Variants in PLEKHG5 observed in about 807,000 individuals in gnomAD.
The protein encoded by PLEKHG5 is pleckstrin homology domain-containing family G member 5.
Under a neutral mutation model 103.8 loss-of-function variants are expected in PLEKHG5, and 52 were observed. That is an observed-to-expected ratio of 0.50 (90% CI 0.40 to 0.63). The LOEUF is 0.63. Among genes scored for constraint, PLEKHG5 ranks in the 30% least tolerant of loss-of-function variants. The pLI is 0.00. For missense variants in PLEKHG5, 1,205 were observed against 1,347.6 expected (o/e 0.89, Z 1.66); for synonymous variants, 592 against 575.5 (o/e 1.03, Z -0.41).
chr1:6,519,329 C>T (rs961138126), intron 1 of PLEKHG5: 48 of 839,758 alleles, frequency 5.7e-5, no homozygotes, highest in African/African-American at 4.0e-4. Flanking sequence ...TTAAACCGTC[C>T]GGACTAATTC....
intron 1 of PLEKHG5, among the ~76,000 whole-genome samples, chr1:6,478,045 TA>T (rs1644810103): frequency 6.6e-6 from 1 of 151,976 alleles, no homozygotes; most frequent in Non-Finnish European, 1.5e-5. Flanking sequence ...CATGCCCAGC[TA>T]ATTTTTTTTT....
rs914134952 is a variant in PLEKHG5, at chr1:6,479,785, T to C, written c.-87-2127A>G. Among the ~76,000 whole-genome samples the C allele has an allele frequency of 7.2e-5, 11 of 152,232 alleles. No homozygotes were observed. The East Asian group carries it at 2.1e-3, about 29-fold the overall frequency. Reference sequence around the variant, plus strand: ...TGCCACTACGCCCAACTAACTTTTTTATTTTTAGTAGTGACAGATCTCACT... The same window carrying C: ...TGCCACTACGCCCAACTAACTTTTTCATTTTTAGTAGTGACAGATCTCACT... On this transcript the variant is annotated intron_variant, in intron 1 of 20. Transcript: ENST00000377728.
Position 6,490,511 on chromosome 1 carries a change from A to G in PLEKHG5, c.-88+1126T>C, listed in dbSNP as rs1645130319. ...CTAAGGCTCGGGCCGAGACTGCCAA[A>G]GCCTCATGGGGCGCGCGGGGAGAGG... is the stretch of plus-strand genomic sequence containing the variant. On this transcript the variant is annotated intron_variant, in intron 1 of 20. Transcript: ENST00000377728. The surrounding 1 kb of genome is among the most constrained non-coding windows in gnomAD (Gnocchi z 8.0). The G allele has an allele frequency of 1.0e-6, 1 of 985,294 alleles. No individual in the cohort carries two copies. Among genetic ancestry groups the G allele is most frequent in the South Asian group, 4.7e-5 (1 of 21,294 alleles). 61.0% of individuals were successfully genotyped at this position (985,294 alleles called of 1,614,324 possible).
intron 1 of PLEKHG5, among the ~76,000 whole-genome samples, chr1:6,483,388 T>C (rs1352864587): frequency 6.6e-6 from 1 of 152,112 alleles, no homozygotes; most frequent in Non-Finnish European, 1.5e-5. Flanking sequence ...GAAGTGAGGG[T>C]GATGGGATTG....
rs1203705289 is a variant in PLEKHG5, at chr1:6,486,538, T to G, written c.-88+5099A>C. Among the ~76,000 whole-genome samples the G allele has an allele frequency of 1.3e-5, 2 of 152,190 alleles. No individual in the cohort carries two copies. The highest frequency in any genetic ancestry group is 4.8e-5 in the African/African-American group (2 of 41,466). ...GCGGGCTGCTCTGAGAGGCTATCCT[T>G]GGCAGCCCCCAGGAGCTGGGTGAGG... On this transcript the variant is annotated intron_variant, in intron 1 of 20. Coordinates refer to ENST00000377728, the MANE Select transcript of PLEKHG5 (RefSeq NM_020631.6). The surrounding 1 kb of genome is among the most constrained non-coding windows in gnomAD (Gnocchi z 5.3).
Position 6,473,048 on chromosome 1 carries a change from C to G in PLEKHG5, c.922G>C (p.Asp308His). 2 of 1,613,980 alleles carry G rather than the reference C, an allele frequency of 1.2e-6. 1 individual carries two copies. Among genetic ancestry groups the G allele is most frequent in the South Asian group, 2.2e-5 (2 of 91,084 alleles). ...SWEEEYDEDE[D>H]EDNACLRLED... is the part of the protein sequence containing the mutation. ...AGCCTCAGGCAGGCATTGTCCTCAT[C>G]CTCGTCTTCATCGTACTCCTCCTCC... Residue 308 changes from aspartate to histidine, a missense_variant, in exon 9 of 21, where the codon GAT becomes CAT. Physicochemically the swap from Asp to His is moderately conservative, Grantham distance 81. Transcript: ENST00000377728.
intron 16 of PLEKHG5, 133 bp downstream of exon 16, chr1:6,470,103 T>C (rs1644521185): frequency 3.9e-6 from 4 of 1,019,930 alleles, no homozygotes; most frequent in Non-Finnish European, 4.4e-6. Flanking sequence ...GGCAGAGAAC[T>C]GTCATTCACT....
At chr1:6,496,600 G>A, upstream of PLEKHG5, 1 of 1,495,830 alleles carries the variant, frequency 6.7e-7, no homozygotes, top group Non-Finnish European at 9.0e-7. Context: ...GCATCAGTCA[G>A]CGGGGCACCC....
chr1:6,496,941 G>C (rs1479634478), upstream of PLEKHG5: 11 of 1,512,518 alleles, frequency 7.3e-6, no homozygotes. Context: ...CAAGATCCCA[G>C]ATCCCTGAGA....
chr1:6,475,668 G>C (rs977497828), intron 3 of PLEKHG5, 146 bp from the exon 4 acceptor site: 8 of 781,718 alleles, frequency 1.0e-5, no homozygotes, highest in African/African-American at 6.8e-5. Context: ...GGCCCGCATA[G>C]GGCTGTGCGC....
rs200162521 is a variant in PLEKHG5 at position 6,468,351 on chromosome 1, C to A, written c.2485G>T (p.Asp829Tyr). ...GCCATTGGGCCTGGGGCCACAAAGT[C>A]TTGTAAGGAGGTTGGGGAGAGGGTG... is the stretch of plus-strand genomic sequence containing the variant. ...YGTLSPTSLQ[D>Y]FVAPGPMAEL... Residue 829 changes from aspartate (D) to tyrosine (Y), a missense_variant, in exon 20 of 21, where the codon GAC becomes TAC. By Grantham distance (160) the Asp-to-Tyr change is radical. Coordinates refer to ENST00000377728, the MANE Select transcript of PLEKHG5 (RefSeq NM_020631.6). The A allele has an allele frequency of 1.3e-4, 203 of 1,609,390 alleles. 1 individual carries two copies. The East Asian group carries it at 2.7e-3, about 22-fold the overall frequency.
At chr1:6,485,287 C>T in intron 1 of PLEKHG5, 1 of 1,296,052 alleles carries the variant, frequency 7.7e-7, no homozygotes, top group Non-Finnish European at 9.9e-7. Context: ...GAGAACTGGG[C>T]ACCCAGCCCC....
At chr1:6,468,998 A>G in intron 19 of PLEKHG5, 44 bp downstream of exon 19, 1 of 1,515,824 alleles carries the variant, frequency 6.6e-7, no homozygotes, top group Non-Finnish European at 9.2e-7. Context: ...GGGCTAGAGT[A>G]CTTGTCCTGG....
upstream of PLEKHG5, among the ~76,000 whole-genome samples, chr1:6,495,626 G>GC (rs1176906291): frequency 2.0e-5 from 3 of 152,196 alleles, no homozygotes; most frequent in Admixed American, 2.0e-4. Context: ...ATCTCAGAAG[G>GC]CCGGAGGAGG....
chr1:6,473,054 C>T lies in PLEKHG5; in HGVS notation c.916G>A (p.Asp306Asn), dbSNP rs781614887. The T allele has an allele frequency of 2.0e-5, 32 of 1,613,852 alleles. No individual in the cohort carries two copies. The Admixed American group carries it at 4.3e-4, about 22-fold the overall frequency. Residue 306 changes from aspartate to asparagine, a missense_variant, in exon 9 of 21, where the codon GAC becomes AAC. By Grantham distance (23) the Asp-to-Asn change is conservative. Coordinates refer to ENST00000377728, the MANE Select transcript of PLEKHG5 (RefSeq NM_020631.6). ...AGGCAGGCATTGTCCTCATCCTCGT[C>T]TTCATCGTACTCCTCCTCCCAGGAG... ...HDSWEEEYDE[D>N]EDEDNACLRL...
At chr1:6,504,030 G>T (rs1441375332) in intron 1 of PLEKHG5, among the ~76,000 whole-genome samples, 2 of 152,250 alleles carry the variant, frequency 1.3e-5, no homozygotes, top group East Asian at 1.9e-4. Context: ...CAGTCTGAGT[G>T]GGGGCGAGAG....
At chr1:6,474,421 C>T (rs1300750483) in intron 6 of PLEKHG5, 30 bp downstream of exon 6, 30 of 1,612,542 alleles carry the variant, frequency 1.9e-5, no homozygotes, top group South Asian at 6.6e-5. Flanking sequence ...CCAGTCCCAG[C>T]GGCCCCATTT....
upstream of PLEKHG5, among the ~76,000 whole-genome samples, chr1:6,494,118 ATTTT>A (rs36105555): frequency 3.1e-3 from 232 of 75,726 alleles, no homozygotes; most frequent in African/African-American, 0.023. Context: ...CACCTGGCTA[ATTTT>A]TTTTTTTTTT....
At chr1:6,474,871 A>C (rs112653986) in intron 5 of PLEKHG5, 176 bp downstream of exon 5, 2 of 720,896 alleles carry the variant, frequency 2.8e-6, no homozygotes, top group Non-Finnish European at 5.1e-6. Flanking sequence ...CACAGACCCC[A>C]CCGCACTCCC....
Sources: allele counts gnomAD v4.1 joint callset (sites outside exome capture counted in the v4.1 genomes callset), GRCh38; gene constraint gnomAD v4.1.1; non-coding constraint Gnocchi (gnomAD v3.1); transcripts MANE v1.5; gene names NCBI Gene and HGNC (gene_info 2026-07-23, HGNC 2026-07-21).